The following TAF4B variants were observed in gnomAD, a reference collection of about 807,000 sequenced individuals.
The protein encoded by TAF4B is TATA-box binding protein associated factor 4b, also known as transcription initiation factor TFIID subunit 4B.
TAF4B carries 38 observed loss-of-function variants against 86.4 expected under a neutral mutation model. The ratio of observed to expected loss-of-function variants is 0.44; its 90% CI spans 0.34 to 0.58. TAF4B has a LOEUF of 0.58. TAF4B is among the 20% of genes least tolerant of loss of function. The probability of loss-of-function intolerance (pLI) is 0.02; values close to 1 mark genes in which losing one functional copy is unlikely to be tolerated. For synonymous variants in TAF4B, 388 were observed against 391.2 expected (o/e 0.99, Z 0.10); for missense variants, 988 against 1,027.6 (o/e 0.96, Z 0.53).
At chr18:26,311,672 A>G (rs995756171) in intron 9 of TAF4B, among the ~76,000 whole-genome samples, 2 of 152,182 alleles carry the variant, frequency 1.3e-5, no homozygotes, top group African/African-American at 4.8e-5. Flanking sequence ...CAGGAAGGGA[A>G]TAGTCTAAGC....
intron 1 of TAF4B, among the ~76,000 whole-genome samples, chr18:26,263,793 A>G (rs557115274): frequency 6.6e-6 from 1 of 152,136 alleles, no homozygotes; most frequent in East Asian, 1.9e-4. Flanking sequence ...AGCTCATTGC[A>G]GCCTCGAGCT....
chr18:26,230,507 A>G lies in TAF4B; in HGVS notation c.343+3231A>G, dbSNP rs560944994. Among the ~76,000 whole-genome samples, 7 of 152,180 alleles carry G rather than the reference A, an allele frequency of 4.6e-5. No homozygotes were observed. In the South Asian group the frequency reaches 1.5e-3, roughly 32 times the overall value. The stretch of plus-strand genomic sequence containing the variant: ...GTATTCTTTTCAGTGTTCACCATAC[A>G]CCATCCACTGTTTGATTTTCAGACT... On this transcript the variant is annotated intron_variant, in intron 1 of 14. Transcript: ENST00000269142.
intron 1 of TAF4B, among the ~76,000 whole-genome samples, chr18:26,261,213 G>A (rs1397449612): frequency 3.5e-5 from 4 of 113,914 alleles, no homozygotes; most frequent in South Asian, 2.8e-4. Flanking sequence ...ACGGAGTCTC[G>A]CTCTGTCGCC....
At chr18:26,275,996 A>G (rs1038567439) in intron 5 of TAF4B, among the ~76,000 whole-genome samples, 7 of 150,016 alleles carry the variant, frequency 4.7e-5, no homozygotes, top group Admixed American at 6.7e-5. Flanking sequence ...AGCCCGGGCA[A>G]CAGAGCAAGA....
chr18:26,371,600 C>A (rs1715211006), intron 14 of TAF4B, among the ~76,000 whole-genome samples: 1 of 152,182 alleles, frequency 6.6e-6, no homozygotes, highest in South Asian at 2.1e-4. Flanking sequence ...TCAGAATAGT[C>A]TGAGCTGCAG....
intron 14 of TAF4B, among the ~76,000 whole-genome samples, chr18:26,362,076 G>C (rs2057337160): frequency 6.6e-6 from 1 of 152,086 alleles, no homozygotes; most frequent in Non-Finnish European, 1.5e-5. Context: ...AACAAATTAT[G>C]TTAAATGTTT....
chr18:26,304,166 CTG>C (rs1470245543), intron 9 of TAF4B, among the ~76,000 whole-genome samples: 5 of 78,374 alleles, frequency 6.4e-5, no homozygotes, highest in African/African-American at 1.0e-4. Flanking sequence ...TATAGGTCGA[CTG>C]TTTTTTTTTT....
chr18:26,266,385 T>A (rs921608747), intron 2 of TAF4B, among the ~76,000 whole-genome samples: 2 of 152,146 alleles, frequency 1.3e-5, no homozygotes, highest in African/African-American at 2.4e-5. Flanking sequence ...GTGCTGGGAT[T>A]ACAGGCTGAG....
intron 11 of TAF4B, among the ~76,000 whole-genome samples, chr18:26,322,722 T>A (rs1192080633): frequency 2.0e-5 from 3 of 152,232 alleles, no homozygotes; most frequent in Non-Finnish European, 2.9e-5. Flanking sequence ...TCTGTTTTTC[T>A]ATTTTTGATT....
At chr18:26,242,124 A>G (rs374910205) in intron 1 of TAF4B, among the ~76,000 whole-genome samples, 3 of 152,172 alleles carry the variant, frequency 2.0e-5, no homozygotes, top group African/African-American at 7.2e-5. Context: ...AGCTGAGTTC[A>G]AGTCCTGGAT....
intron 1 of TAF4B, chr18:26,256,223 A>T: frequency 1.9e-6 from 3 of 1,598,378 alleles, no homozygotes; most frequent in Non-Finnish European, 2.6e-6. Context: ...AAGGAGTCTC[A>T]TGCAATCCAG....
At chr18:26,302,602 A>T (rs1222062395) in intron 9 of TAF4B, among the ~76,000 whole-genome samples, 2 of 151,924 alleles carry the variant, frequency 1.3e-5, no homozygotes, top group African/African-American at 2.4e-5. Context: ...GCCTCAAGTG[A>T]TCCTCCTGCC....
At chr18:26,284,068 A>C (rs1411875396) in intron 6 of TAF4B, among the ~76,000 whole-genome samples, 1 of 151,776 alleles carries the variant, frequency 6.6e-6, no homozygotes, top group African/African-American at 2.4e-5. Flanking sequence ...AAAAAAAAAA[A>C]TCTTAGCTAT....
At chr18:26,286,633 T>C (rs934691115) in intron 7 of TAF4B, 134 bp downstream of exon 7, 3 of 952,728 alleles carry the variant, frequency 3.1e-6, no homozygotes, top group Non-Finnish European at 4.5e-6. Flanking sequence ...TTTTTTTTTT[T>C]TTACCTCATT....
chr18:26,291,706 CAA>C (rs551155639), intron 7 of TAF4B, among the ~76,000 whole-genome samples: 6 of 111,796 alleles, frequency 5.4e-5, no homozygotes, highest in Admixed American at 9.6e-5. Flanking sequence ...GACTCTGTCT[CAA>C]AAAAAAAAAA....
intron 9 of TAF4B, among the ~76,000 whole-genome samples, chr18:26,300,050 G>A: frequency 6.6e-6 from 1 of 152,016 alleles, no homozygotes; most frequent in East Asian, 1.9e-4. Flanking sequence ...GCCCAGATTA[G>A]AGTGCAGTGG....
intron 14 of TAF4B, among the ~76,000 whole-genome samples, chr18:26,380,092 C>T (rs901503952): frequency 1.7e-4 from 26 of 152,108 alleles, no homozygotes; most frequent in African/African-American, 6.3e-4. Context: ...TCATGCTGGC[C>T]ACAAATAAAA....
At chr18:26,330,345 C>G (rs2057040508) in intron 12 of TAF4B, among the ~76,000 whole-genome samples, 1 of 152,198 alleles carries the variant, frequency 6.6e-6, no homozygotes, top group African/African-American at 2.4e-5. Flanking sequence ...ACCCTTCCAG[C>G]TGGCCCTTCT....
Position 26,357,798 on chromosome 18 carries a change from T to C in TAF4B, c.2421+4T>C. 7 of 1,582,556 alleles carry C rather than the reference T, an allele frequency of 4.4e-6. No homozygotes were observed. Among genetic ancestry groups the C allele is most frequent in the Non-Finnish European group, 6.0e-6 (7 of 1,158,566 alleles). On this transcript the variant is annotated splice_donor_region_variant and intron_variant, in intron 14 of 14. Coordinates refer to ENST00000269142, the MANE Select transcript of TAF4B (RefSeq NM_005640.3). ...ACCACTAGAATCTGGAATTGAGGTA[T>C]TGAAATAATATTCATTATTTTATTT...
Sources: allele counts gnomAD v4.1 joint callset (sites outside exome capture counted in the v4.1 genomes callset), GRCh38; gene constraint gnomAD v4.1.1; transcripts MANE v1.5; gene names NCBI Gene and HGNC (gene_info 2026-07-23, HGNC 2026-07-21).